The following PARVB variants were observed in gnomAD, a reference collection of about 807,000 sequenced individuals.
PARVB encodes parvin beta.
In PARVB, 46 loss-of-function variants were observed where a neutral mutation model predicts 47.0. That is an observed-to-expected ratio of 0.98 (90% CI 0.77 to 1.25). PARVB has a LOEUF of 1.25. Ranked by LOEUF, PARVB falls within the 50% of genes most tolerant of loss-of-function variation. The probability of loss-of-function intolerance (pLI) is 0.00; values close to 1 mark genes in which losing one functional copy is unlikely to be tolerated. For missense variants in PARVB, 473 were observed against 471.6 expected, an observed-to-expected ratio of 1.00 and a Z score of -0.03; for synonymous variants, 196 against 196.3, an observed-to-expected ratio of 1.00 and a Z score of 0.01.
intron 2 of PARVB, among the ~76,000 whole-genome samples, chr22:44,004,047 T>C (rs993448928): frequency 6.6e-6 from 1 of 152,210 alleles, no homozygotes; most frequent in African/African-American, 2.4e-5. Flanking sequence ...TGGAAGCCTC[T>C]AGAACAGGAT....
intron 6 of PARVB, 41 bp from the exon 7 acceptor site, chr22:44,136,419 C>G (rs1569145160): frequency 6.3e-7 from 1 of 1,584,512 alleles, no homozygotes; most frequent in South Asian, 1.1e-5. Context: ...TTCCTCAACT[C>G]TCCACTGCCT....
intron 2 of PARVB, among the ~76,000 whole-genome samples, chr22:44,018,785 C>T (rs2050612547): frequency 6.6e-6 from 1 of 152,190 alleles, no homozygotes; most frequent in Non-Finnish European, 1.5e-5. Flanking sequence ...CCATCGCCCC[C>T]GTTCTCCTCA....
At chr22:44,023,541 A>ACAAAACTAAAC (rs202138296), upstream of PARVB, among the ~76,000 whole-genome samples, 3 of 28,712 alleles carry the variant, frequency 1.0e-4, no homozygotes, top group Admixed American at 3.4e-4. Flanking sequence ...ACAAAACAAA[A>ACAAAACTAAAC]TAAAATAAAA....
chr22:44,156,623 A>G (rs1281498041), intron 10 of PARVB, among the ~76,000 whole-genome samples: 1 of 152,208 alleles, frequency 6.6e-6, no homozygotes, highest in Non-Finnish European at 1.5e-5. Flanking sequence ...AGAATTCTGG[A>G]GATTGTTTGT....
chr22:44,081,609 G>A (rs962156261), intron 1 of PARVB: 9 of 985,014 alleles, frequency 9.1e-6, no homozygotes, highest in Middle Eastern at 5.2e-4. Context: ...GGCCGTTTCT[G>A]CTTTCCTTTA....
intron 3 of PARVB, chr22:44,104,703 C>G (rs956061914): frequency 7.2e-5 from 11 of 152,326 alleles, no homozygotes; most frequent in African/African-American, 2.7e-4. Flanking sequence ...TCCCTGCCTC[C>G]CCTCCTCCTT....
intron 1 of PARVB, among the ~76,000 whole-genome samples, chr22:44,070,111 A>C (rs1358124145): frequency 6.6e-6 from 1 of 152,238 alleles, no homozygotes; most frequent in Non-Finnish European, 1.5e-5. Flanking sequence ...TCTGCATCCC[A>C]GGGACTATCC....
At chr22:44,113,695 C>T (rs1349693513) in intron 3 of PARVB, 1 of 63,410 alleles carries the variant, frequency 1.6e-5, no homozygotes, top group African/African-American at 1.0e-4. Flanking sequence ...AGGCCCTGCA[C>T]CAACACAGAT....
At chr22:44,027,912 A>C (rs887033962) in intron 1 of PARVB, among the ~76,000 whole-genome samples, 7 of 75,428 alleles carry the variant, frequency 9.3e-5, no homozygotes, top group Admixed American at 1.5e-4. Flanking sequence ...AGAAAAAAAA[A>C]CCATATATAT....
chr22:44,116,181 T>C (rs2052897156), intron 3 of PARVB: 1 of 152,352 alleles, frequency 6.6e-6, no homozygotes, highest in Non-Finnish European at 1.5e-5. Flanking sequence ...GGATTACTGC[T>C]CAGAGAGTTT....
chr22:44,108,384 T>C (rs576421371), intron 3 of PARVB: 14 of 152,294 alleles, frequency 9.2e-5, no homozygotes, highest in African/African-American at 3.4e-4. Context: ...CCTCAGCCTG[T>C]GGGGTCAACT....
intron 1 of PARVB, among the ~76,000 whole-genome samples, chr22:44,032,401 A>G (rs1411734283): frequency 6.6e-6 from 1 of 151,948 alleles, no homozygotes; most frequent in Non-Finnish European, 1.5e-5. Flanking sequence ...CTTTGAGGCT[A>G]TGTGTGTTAA....
chr22:44,128,244 C>T (rs1268208646), intron 4 of PARVB, among the ~76,000 whole-genome samples: 5 of 152,188 alleles, frequency 3.3e-5, no homozygotes, highest in Non-Finnish European at 5.9e-5. Context: ...TCCTGGCTGT[C>T]GTCCTGCTGG....
intron 1 of PARVB, among the ~76,000 whole-genome samples, chr22:44,083,064 G>C (rs2051943853): frequency 6.6e-6 from 1 of 152,096 alleles, no homozygotes; most frequent in Non-Finnish European, 1.5e-5. Flanking sequence ...TTGCGGAGCG[G>C]ACTCCTTCCT....
chr22:44,006,242 C>T (rs2050463121), intron 2 of PARVB, among the ~76,000 whole-genome samples: 1 of 152,196 alleles, frequency 6.6e-6, no homozygotes, highest in Non-Finnish European at 1.5e-5. Context: ...CAAGGCACCA[C>T]ACCAGGCCCA....
intron 1 of PARVB, among the ~76,000 whole-genome samples, chr22:44,070,920 G>A (rs1040909133): frequency 6.6e-6 from 1 of 152,174 alleles, no homozygotes; most frequent in African/African-American, 2.4e-5. Context: ...ACCTTGCCAG[G>A]CTTATTCGAA....
chr22:44,112,723 A>G (rs374368247), intron 3 of PARVB: 1 of 105,478 alleles, frequency 9.5e-6, no homozygotes, highest in African/African-American at 4.5e-5. Flanking sequence ...ACACCAGCAA[A>G]GATACATTGT....
chr22:44,052,331 A>G (rs1488948859), intron 1 of PARVB, among the ~76,000 whole-genome samples: 1 of 152,166 alleles, frequency 6.6e-6, no homozygotes, highest in East Asian at 1.9e-4. Flanking sequence ...GGACCTGCAT[A>G]AATTGTGGTT....
intron 3 of PARVB, chr22:44,110,791 G>C (rs2052679434): frequency 6.6e-6 from 1 of 152,044 alleles, no homozygotes; most frequent in African/African-American, 2.4e-5. Context: ...GTAGAGACAG[G>C]GTTTCACCAT....
Sources: gnomAD v4.1 joint callset for allele counts (sites outside exome capture counted in the v4.1 genomes callset) on GRCh38, gnomAD v4.1.1 for gene constraint, MANE v1.5 for transcripts, NCBI Gene and HGNC (gene_info 2026-07-23, HGNC 2026-07-21) for gene names.